Variants in HPSE2 observed in about 807,000 individuals in gnomAD.
HPSE2 encodes the protein heparanase 2 (inactive).
In HPSE2, 38 loss-of-function variants were observed where a neutral mutation model predicts 60.5. That is an observed-to-expected ratio of 0.63 (90% CI 0.48 to 0.82). HPSE2 has a LOEUF of 0.82. HPSE2 is among the 40% of genes least tolerant of loss of function. The probability of loss-of-function intolerance (pLI) is 0.00; values close to 1 mark genes in which losing one functional copy is unlikely to be tolerated. For synonymous variants in HPSE2, 295 were observed against 293.2 expected (o/e 1.01, Z -0.06); for missense variants, 713 against 740.4 (o/e 0.96, Z 0.43).
At chr10:98,899,453 T>G (rs1005379800) in intron 3 of HPSE2, among the ~76,000 whole-genome samples, 1 of 152,088 alleles carries the variant, frequency 6.6e-6, no homozygotes. Context: ...TAAACAACCC[T>G]TAAAACTCAA....
At chr10:99,067,522 G>C (rs2135538898) in intron 3 of HPSE2, among the ~76,000 whole-genome samples, 1 of 152,260 alleles carries the variant, frequency 6.6e-6, no homozygotes, top group East Asian at 1.9e-4. Flanking sequence ...TGCACCTGTG[G>C]GCCCAATGTC....
chr10:98,981,888 C>T (rs537941373), intron 3 of HPSE2, among the ~76,000 whole-genome samples: 1 of 152,094 alleles, frequency 6.6e-6, no homozygotes, highest in African/African-American at 2.4e-5. Flanking sequence ...TAACTGAGTT[C>T]CCTGTAACCC....
chr10:99,243,720 G>A, the HPSE2 span, among the ~76,000 whole-genome samples: 1 of 152,104 alleles, frequency 6.6e-6, no homozygotes, highest in Non-Finnish European at 1.5e-5. Flanking sequence ...CAGATCACCT[G>A]AGGCTGGGAG....
intron 9 of HPSE2, among the ~76,000 whole-genome samples, chr10:98,533,684 G>C (rs1222904889): frequency 6.6e-6 from 1 of 152,136 alleles, no homozygotes; most frequent in African/African-American, 2.4e-5. Context: ...ATGAAGCCTG[G>C]GATAGCTCAG....
Position 98,918,764 on chromosome 10 carries a change from G to C in HPSE2, c.611-174708C>G, listed in dbSNP as rs922770441. Among the ~76,000 whole-genome samples, 6 of 149,750 alleles carry C rather than the reference G, an allele frequency of 4.0e-5. No homozygotes were observed. In the East Asian group the frequency reaches 1.2e-3, roughly 30 times the overall value. On this transcript the variant is annotated intron_variant, in intron 3 of 11. Transcript: ENST00000370552. ...TTAATGGGTGCAGCACACCAGCATGGCACATGTATACATATGTAACTAACC... is the reference window on the plus strand; with the variant it reads ...TTAATGGGTGCAGCACACCAGCATGCCACATGTATACATATGTAACTAACC...
At chr10:99,173,511 A>G (rs1847398304) in intron 2 of HPSE2, among the ~76,000 whole-genome samples, 1 of 151,546 alleles carries the variant, frequency 6.6e-6, no homozygotes, top group Non-Finnish European at 1.5e-5. Flanking sequence ...ATAATGAGGA[A>G]CTTTAGTAAA....
Position 98,459,693 on chromosome 10 carries a change from T to C in HPSE2, c.1660A>G (p.Thr554Ala). The part of the protein sequence containing the change: ...GQPLVMVDDG[T>A]LPELKPRPLR... ...GGGCGGGGCTTCAATTCTGGGAGGG[T>C]CCCGTCGTCCACCATCACTAAGGGC... Residue 554 changes from threonine (T) to alanine (A), a missense_variant, in exon 12 of 12, where the codon ACC (threonine) becomes GCC (alanine). Coordinates refer to ENST00000370552, the MANE Select transcript of HPSE2 (RefSeq NM_021828.5). 1 of 1,613,962 alleles carries C rather than the reference T, an allele frequency of 6.2e-7. No individual in the cohort carries two copies. The highest frequency in any genetic ancestry group is 8.5e-7 in the Non-Finnish European group (1 of 1,179,974).
At chr10:98,524,085 C>A (rs1345920212) in intron 9 of HPSE2, among the ~76,000 whole-genome samples, 1 of 152,182 alleles carries the variant, frequency 6.6e-6, no homozygotes, top group African/African-American at 2.4e-5. Context: ...GACACGCAAC[C>A]AGTACAGTTG....
At chr10:99,278,051 C>A in the HPSE2 span, among the ~76,000 whole-genome samples, 1 of 144,704 alleles carries the variant, frequency 6.9e-6, no homozygotes, top group African/African-American at 2.6e-5. Flanking sequence ...GAGCCAAGAT[C>A]GCGCCACTGT....
intron 3 of HPSE2, among the ~76,000 whole-genome samples, chr10:98,797,257 A>G (rs1413946993): frequency 6.6e-6 from 1 of 152,216 alleles, no homozygotes; most frequent in Non-Finnish European, 1.5e-5. Context: ...CAGAGAAAGA[A>G]TTCAGAATTT....
chr10:99,166,981 T>G (rs1274504682), intron 2 of HPSE2, among the ~76,000 whole-genome samples: 2 of 150,314 alleles, frequency 1.3e-5, no homozygotes, highest in Non-Finnish European at 2.9e-5. Flanking sequence ...CATACTTTCT[T>G]TTTTTCTTTT....
intron 9 of HPSE2, among the ~76,000 whole-genome samples, chr10:98,492,240 C>T (rs946225425): frequency 5.3e-5 from 8 of 152,146 alleles, no homozygotes; most frequent in Non-Finnish European, 7.4e-5. Context: ...CGGTGGCTCA[C>T]GCCTATAATC....
At chr10:99,185,982 A>C (rs1419301150) in intron 2 of HPSE2, among the ~76,000 whole-genome samples, 2 of 152,070 alleles carry the variant, frequency 1.3e-5, no homozygotes, top group Non-Finnish European at 2.9e-5. Context: ...GGAATCCTAA[A>C]AGGCAAAGAG....
At chr10:98,479,502 G>A (rs966649251) in intron 11 of HPSE2, among the ~76,000 whole-genome samples, 1 of 152,196 alleles carries the variant, frequency 6.6e-6, no homozygotes, top group Admixed American at 6.5e-5. Context: ...CCCCATCGCA[G>A]ACCACTCAGC....
intron 3 of HPSE2, among the ~76,000 whole-genome samples, chr10:99,012,796 A>G (rs562944458): frequency 1.3e-5 from 2 of 152,310 alleles, no homozygotes; most frequent in East Asian, 3.9e-4. Flanking sequence ...AAAGCTCTCA[A>G]AATTCAAAAT....
chr10:98,719,896 G>A (rs1423740487), intron 5 of HPSE2, among the ~76,000 whole-genome samples: 7 of 151,918 alleles, frequency 4.6e-5, no homozygotes. Context: ...AGCTACTCGG[G>A]AGGTTGAGGC....
chr10:98,595,478 T>A (rs1355020606), intron 9 of HPSE2, among the ~76,000 whole-genome samples: 2 of 152,186 alleles, frequency 1.3e-5, no homozygotes, highest in African/African-American at 4.8e-5. Context: ...CCAAATGAGA[T>A]TATTTTCTTG....
chr10:98,734,117 T>C (rs1949291582), intron 4 of HPSE2, among the ~76,000 whole-genome samples: 1 of 152,206 alleles, frequency 6.6e-6, no homozygotes, highest in African/African-American at 2.4e-5. Context: ...ATGTGTTGTC[T>C]TTTGTGACTG....
chr10:98,851,884 C>T (rs544443838), intron 3 of HPSE2, among the ~76,000 whole-genome samples: 24 of 152,266 alleles, frequency 1.6e-4, no homozygotes, highest in Non-Finnish European at 2.8e-4. Flanking sequence ...GGTAATGCTT[C>T]TTCCTTACTT....
Sources: gnomAD v4.1 joint callset for allele counts (sites outside exome capture counted in the v4.1 genomes callset) on GRCh38, gnomAD v4.1.1 for gene constraint, MANE v1.5 for transcripts, NCBI Gene and HGNC (gene_info 2026-07-23, HGNC 2026-07-21) for gene names.